WASF1: variants seen among roughly 807,000 people sequenced by gnomAD.
The protein encoded by WASF1 is actin-binding protein WASF1.
A neutral mutation model predicts 50.5 loss-of-function variants in WASF1; 7 were observed. The observed-to-expected ratio is 0.14, with a 90% CI of 0.08 to 0.26. The LOEUF (loss-of-function observed/expected upper bound fraction) is 0.26, where lower values mean the gene tolerates loss of function less well. Ranked by LOEUF, WASF1 falls within the 10% of genes least tolerant of loss-of-function variation. WASF1 has a pLI of 1.00. For missense variants in WASF1, 470 were observed against 694.7 expected (o/e 0.68, Z 3.64); for synonymous variants, 205 against 244.0 (o/e 0.84, Z 1.49).
chr6:110,104,758 C>T (rs1773243940), intron 8 of WASF1, among the ~76,000 whole-genome samples: 1 of 152,200 alleles, frequency 6.6e-6, no homozygotes, highest in Admixed American at 6.5e-5. Context: ...CACTGCACTC[C>T]ACCCTGGGCG....
At chr6:110,170,285 C>T (rs1200478367) in intron 2 of WASF1, among the ~76,000 whole-genome samples, 1 of 152,032 alleles carries the variant, frequency 6.6e-6, no homozygotes, top group African/African-American at 2.4e-5. Flanking sequence ...TATAGTGGTG[C>T]AATCTTGGCT....
chr6:110,121,229 T>C (rs1435146540), intron 4 of WASF1, among the ~76,000 whole-genome samples: 1 of 152,038 alleles, frequency 6.6e-6, no homozygotes, highest in Non-Finnish European at 1.5e-5. Flanking sequence ...CAAAAGCAAC[T>C]ACCATCAGAG....
intron 3 of WASF1, among the ~76,000 whole-genome samples, chr6:110,135,880 T>C (rs1464362877): frequency 1.6e-5 from 2 of 126,704 alleles, no homozygotes; most frequent in African/African-American, 6.3e-5. Flanking sequence ...CATTATCTTT[T>C]TTTTTTTTTT....
chr6:110,133,178 T>C (rs1390859099), intron 3 of WASF1, among the ~76,000 whole-genome samples: 1 of 152,098 alleles, frequency 6.6e-6, no homozygotes, highest in Non-Finnish European at 1.5e-5. Context: ...ATTTTTGCAA[T>C]TATAAATTTG....
intron 2 of WASF1, among the ~76,000 whole-genome samples, chr6:110,161,929 C>T (rs1003601061): frequency 1.5e-4 from 22 of 151,314 alleles, no homozygotes; most frequent in Non-Finnish European, 3.0e-5. Flanking sequence ...GAAAAGAGGT[C>T]TAACACAAAA....
At chr6:110,120,038 T>A (rs1413003408) in intron 4 of WASF1, among the ~76,000 whole-genome samples, 2 of 152,090 alleles carry the variant, frequency 1.3e-5, no homozygotes, top group Admixed American at 6.6e-5. Context: ...ATGGAACATA[T>A]CTCAAAATAA....
intron 2 of WASF1, among the ~76,000 whole-genome samples, chr6:110,171,007 C>G (rs1474882325): frequency 6.6e-6 from 1 of 152,130 alleles, no homozygotes; most frequent in Non-Finnish European, 1.5e-5. Flanking sequence ...TATCAACATC[C>G]TTCTATCGGT....
At chr6:110,126,745 T>C (rs994278138) in intron 4 of WASF1, among the ~76,000 whole-genome samples, 3 of 152,228 alleles carry the variant, frequency 2.0e-5, no homozygotes, top group Admixed American at 1.3e-4. Context: ...TTTTAAATTT[T>C]CTAAATAAAC....
chr6:110,124,216 T>TCTCCTCCCTCTCTC (rs1367926644), intron 4 of WASF1, among the ~76,000 whole-genome samples: 1 of 63,544 alleles, frequency 1.6e-5, no homozygotes, highest in Non-Finnish European at 2.8e-5. Context: ...TCTCTCTCTC[T>TCTCCTCCCTCTCTC]CCTCTCTCTC....
At chr6:110,177,167 T>C (rs928841236) in intron 2 of WASF1, 3 of 152,082 alleles carry the variant, frequency 2.0e-5, no homozygotes, top group Non-Finnish European at 2.9e-5. Context: ...ATCACAACTA[T>C]GTATTTTGGA....
chr6:110,113,542 CATG>C lies in WASF1; in HGVS notation c.134-85_134-83del. On this transcript the variant is annotated intron_variant, in intron 4 of 10. Coordinates refer to ENST00000392589, the MANE Select transcript of WASF1 (RefSeq NM_003931.3). ...ATCTTTGCAAGCAGTAGAAATCTAGCATGATATTTGCCCTCAGATACTTTGTGA... is the reference window on the plus strand; with the variant it reads ...ATCTTTGCAAGCAGTAGAAATCTAGCATATTTGCCCTCAGATACTTTGTGA... The C allele has an allele frequency of 6.3e-6, 8 of 1,274,502 alleles. No individual in the cohort carries two copies. The Admixed American group carries it at 1.5e-4, about 24-fold the overall frequency. The allele number at this position is 1,274,502 out of a possible 1,614,324, so 78.9% of individuals were successfully genotyped here.
At chr6:110,161,731 T>C (rs931643015) in intron 2 of WASF1, among the ~76,000 whole-genome samples, 2 of 151,538 alleles carry the variant, frequency 1.3e-5, no homozygotes, top group Non-Finnish European at 3.0e-5. Flanking sequence ...TACAATGATG[T>C]TTACATTCCA....
At chr6:110,173,616 G>A (rs1328294148) in intron 2 of WASF1, among the ~76,000 whole-genome samples, 1 of 152,124 alleles carries the variant, frequency 6.6e-6, no homozygotes, top group Non-Finnish European at 1.5e-5. Context: ...GAGGACTTAT[G>A]ACAAAGGTAA....
chr6:110,104,473 T>C (rs955806592), intron 8 of WASF1, among the ~76,000 whole-genome samples: 2 of 152,148 alleles, frequency 1.3e-5, no homozygotes, highest in African/African-American at 4.8e-5. Flanking sequence ...AAAGAAAACC[T>C]TAAGCTCTTT....
chr6:110,140,247 A>G (rs1775166360), intron 3 of WASF1, among the ~76,000 whole-genome samples: 2 of 152,216 alleles, frequency 1.3e-5, no homozygotes. Flanking sequence ...CCAGAGAGGT[A>G]AACACATGGA....
intron 3 of WASF1, among the ~76,000 whole-genome samples, chr6:110,138,262 G>A (rs1157524624): frequency 6.6e-6 from 1 of 152,242 alleles, no homozygotes; most frequent in Non-Finnish European, 1.5e-5. Flanking sequence ...GGAACACTGT[G>A]GTGCCCAGAA....
intron 4 of WASF1, among the ~76,000 whole-genome samples, chr6:110,118,720 C>A (rs1773934765): frequency 6.6e-6 from 1 of 152,154 alleles, no homozygotes; most frequent in African/African-American, 2.4e-5. Flanking sequence ...GAACTCCACA[C>A]CCCAAATCAA....
intron 5 of WASF1, among the ~76,000 whole-genome samples, chr6:110,110,829 T>A (rs1043701672): frequency 2.6e-5 from 4 of 152,110 alleles, no homozygotes; most frequent in Non-Finnish European, 4.4e-5. Context: ...TGTTTTTTTT[T>A]TAATTCCCAC....
chr6:110,112,579 A>C (rs1773606502), intron 5 of WASF1, among the ~76,000 whole-genome samples: 2 of 152,204 alleles, frequency 1.3e-5, no homozygotes, highest in African/African-American at 4.8e-5. Flanking sequence ...ATAAGACTTT[A>C]GCAATATGCA....
Sources: allele counts gnomAD v4.1 joint callset (sites outside exome capture counted in the v4.1 genomes callset), GRCh38; gene constraint gnomAD v4.1.1; transcripts MANE v1.5; gene names NCBI Gene and HGNC (gene_info 2026-07-23, HGNC 2026-07-21).